Variants in TGFB2 observed in about 807,000 individuals in gnomAD.
TGFB2 encodes the protein transforming growth factor beta-2 proprotein.
TGFB2 carries 13 observed loss-of-function variants against 42.7 expected under a neutral mutation model. The ratio of observed to expected loss-of-function variants is 0.30; its 90% CI spans 0.20 to 0.48. The LOEUF is 0.48. TGFB2 is among the 20% of genes least tolerant of loss of function. TGFB2 has a pLI of 0.99. For missense variants in TGFB2, 390 were observed against 517.5 expected, an observed-to-expected ratio of 0.75 and a Z score of 2.39; for synonymous variants, 193 against 193.6, an observed-to-expected ratio of 1.00 and a Z score of 0.03.
chr1:218,358,829 A>G (rs113146778), intron 1 of TGFB2, among the ~76,000 whole-genome samples: 2,531 of 152,190 alleles, frequency 0.017, 74 homozygotes, highest in African/African-American at 0.058. Context: ...GTCGTGAGCC[A>G]CCGCACCCAG....
chr1:218,394,038 C>T (rs1226294813), intron 1 of TGFB2, among the ~76,000 whole-genome samples: 2 of 152,054 alleles, frequency 1.3e-5, no homozygotes, highest in East Asian at 3.9e-4. Context: ...TCCCGAGTAG[C>T]TGGGATTACA....
intron 1 of TGFB2, among the ~76,000 whole-genome samples, chr1:218,392,392 A>G (rs1010238199): frequency 1.2e-4 from 18 of 152,206 alleles, no homozygotes; most frequent in African/African-American, 4.3e-4. Flanking sequence ...AACTGGCTTG[A>G]TCTAAGTAGG....
chr1:218,349,682 G>T (rs1038004231), intron 1 of TGFB2, among the ~76,000 whole-genome samples: 18 of 152,166 alleles, frequency 1.2e-4, no homozygotes, highest in African/African-American at 4.3e-4. Flanking sequence ...CCCTTTGTGG[G>T]ACATTTTATA....
chr1:218,406,701 A>G (rs574648289), intron 2 of TGFB2, among the ~76,000 whole-genome samples: 38 of 152,270 alleles, frequency 2.5e-4, no homozygotes, highest in African/African-American at 8.9e-4. Flanking sequence ...CTTGGCAGGA[A>G]GGGCAGGCAC....
At chr1:218,401,917 G>A (rs181542834) in intron 1 of TGFB2, among the ~76,000 whole-genome samples, 2 of 152,334 alleles carry the variant, frequency 1.3e-5, no homozygotes, top group East Asian at 3.9e-4. Flanking sequence ...CAAAGACTGT[G>A]CTAGAGCAAT....
intron 2 of TGFB2, among the ~76,000 whole-genome samples, chr1:218,425,351 G>A (rs538474356): frequency 1.8e-4 from 28 of 152,138 alleles, no homozygotes; most frequent in Admixed American, 1.0e-3. Flanking sequence ...GGGATTACAG[G>A]TGCCAGCCAC....
rs10482788 is a variant in TGFB2 at position 218,431,124 on chromosome 1, A to G, written c.511-2958A>G. On this transcript the variant is annotated intron_variant, in intron 2 of 6. Transcript: ENST00000366930. ...TACTGTGTTTGAGAATTATGTAGCTAACTAACTGTATTTCTTGGGTGGTTT... is the reference window on the plus strand; with the variant it reads ...TACTGTGTTTGAGAATTATGTAGCTGACTAACTGTATTTCTTGGGTGGTTT... 2.4e-3 allele frequency among the ~76,000 whole-genome samples: 369 copies of G among 152,326 alleles called. 2 individuals are homozygous for G. The highest frequency in any genetic ancestry group is 8.3e-3 in the African/African-American group (347 of 41,574).
intron 1 of TGFB2, among the ~76,000 whole-genome samples, chr1:218,372,489 G>C (rs1344689053): frequency 6.6e-6 from 1 of 152,180 alleles, no homozygotes; most frequent in East Asian, 1.9e-4. Flanking sequence ...TCTATACTCA[G>C]GAGACCAGGA....
At chr1:218,397,563 CAAAAAA>C (rs759635592) in intron 1 of TGFB2, among the ~76,000 whole-genome samples, 1 of 91,384 alleles carries the variant, frequency 1.1e-5, no homozygotes, top group African/African-American at 3.7e-5. Flanking sequence ...GACTCCGTCT[CAAAAAA>C]AAAAAAAAAA....
intron 1 of TGFB2, among the ~76,000 whole-genome samples, chr1:218,359,518 T>C (rs1657146069): frequency 6.6e-6 from 1 of 152,214 alleles, no homozygotes; most frequent in African/African-American, 2.4e-5. Context: ...TCAGAAAATA[T>C]CACCATCAAT....
Position 218,346,760 on chromosome 1 carries a change from G to C in TGFB2, c.59G>C (p.Ser20Thr), listed in dbSNP as rs1656695125. 6.2e-7 allele frequency: 1 copy of C among 1,614,042 alleles called. No homozygotes were observed. The highest frequency in any genetic ancestry group is 1.7e-5 in the Admixed American group (1 of 60,006). The change falls in exon 1 of 7, where the codon AGC (serine) becomes ACC (threonine). Residue 20 changes from serine (S) to threonine (T), a missense_variant. Coordinates refer to ENST00000366930, the MANE Select transcript of TGFB2 (RefSeq NM_003238.6). The surrounding 1 kb of genome is among the most constrained non-coding windows in gnomAD (Gnocchi z 4.9). ...LILHLVTVAL[S>T]LSTCSTLDMD... is the part of the protein sequence containing the mutation. The stretch of plus-strand genomic sequence containing the variant: ...CTGCATCTGGTCACGGTCGCGCTCA[G>C]CCTGTCTACCTGCAGCACACTCGAT...
rs147702508 is a variant in TGFB2, at chr1:218,375,304, T to C, written c.346+28257T>C. Among the ~76,000 whole-genome samples, 25 of 152,204 alleles carry C rather than the reference T, an allele frequency of 1.6e-4. No homozygotes were observed. In the East Asian group the frequency reaches 4.1e-3, roughly 25 times the overall value. ...AACAATAACTCTTGAGTGTGACAAT[T>C]AGTCTTACAATTGAGTAGCAAGAAA... On this transcript the variant is annotated intron_variant, in intron 1 of 6. Coordinates refer to ENST00000366930, the MANE Select transcript of TGFB2 (RefSeq NM_003238.6).
chr1:218,406,585 A>G (rs1477254554), intron 2 of TGFB2, among the ~76,000 whole-genome samples: 1 of 152,210 alleles, frequency 6.6e-6, no homozygotes, highest in Non-Finnish European at 1.5e-5. Flanking sequence ...CCATATGAAT[A>G]GTGGTACTTG....
In TGFB2 at chr1:218,376,502, C is replaced by T. The variant is rs190562617; in HGVS notation, c.347-28667C>T. Among the ~76,000 whole-genome samples the T allele has an allele frequency of 6.6e-5, 10 of 152,088 alleles. 1 individual carries two copies. In the East Asian group the frequency reaches 1.9e-3, roughly 29 times the overall value. On this transcript the variant is annotated intron_variant, in intron 1 of 6. Transcript: ENST00000366930. ...AAAATGAGATAGGTAGGGATGAGTC[C>T]CTCTTGGAAGAGGCATCACCAACAG...
chr1:218,399,352 C>T (rs943883743), intron 1 of TGFB2, among the ~76,000 whole-genome samples: 7 of 152,080 alleles, frequency 4.6e-5, no homozygotes, highest in Non-Finnish European at 7.3e-5. Context: ...ATGCCTGTAT[C>T]GAAGTATTTC....
intron 1 of TGFB2, among the ~76,000 whole-genome samples, chr1:218,388,139 C>T (rs926656985): frequency 6.6e-6 from 1 of 152,188 alleles, no homozygotes; most frequent in African/African-American, 2.4e-5. Context: ...ATTTTGGCTC[C>T]TAGAGCTCCC....
At chr1:218,429,790 A>G (rs1659748401) in intron 2 of TGFB2, among the ~76,000 whole-genome samples, 1 of 152,236 alleles carries the variant, frequency 6.6e-6, no homozygotes, top group Non-Finnish European at 1.5e-5. Context: ...GCATTTCATC[A>G]GTTTCTAGAC....
chr1:218,373,293 G>C (rs1189517922), intron 1 of TGFB2, among the ~76,000 whole-genome samples: 1 of 152,110 alleles, frequency 6.6e-6, no homozygotes, highest in Non-Finnish European at 1.5e-5. Context: ...TCCATGTTAG[G>C]TTTTGAGTGA....
intron 1 of TGFB2, among the ~76,000 whole-genome samples, chr1:218,404,171 G>A (rs956234699): frequency 6.6e-6 from 1 of 151,946 alleles, no homozygotes; most frequent in Non-Finnish European, 1.5e-5. Flanking sequence ...AGAGTATAGT[G>A]TTGTGATTTC....
Sources: allele counts gnomAD v4.1 joint callset (sites outside exome capture counted in the v4.1 genomes callset), GRCh38; gene constraint gnomAD v4.1.1; non-coding constraint Gnocchi (gnomAD v3.1); transcripts MANE v1.5; gene names NCBI Gene and HGNC (gene_info 2026-07-23, HGNC 2026-07-21).